Variants in NUMB observed in about 807,000 individuals in gnomAD.
NUMB encodes protein numb homolog.
NUMB carries 29 observed loss-of-function variants against 59.7 expected under a neutral mutation model. The ratio of observed to expected loss-of-function variants is 0.49; its 90% CI spans 0.36 to 0.66. The LOEUF is 0.66. NUMB is among the 30% of genes least tolerant of loss of function. NUMB has a pLI of 0.00. For missense variants in NUMB, 723 were observed against 822.0 expected (o/e 0.88, Z 1.47); for synonymous variants, 288 against 288.2 (o/e 1.00, Z 0.01).
intron 7 of NUMB, among the ~76,000 whole-genome samples, chr14:73,293,179 C>T (rs755456954): frequency 2.0e-5 from 3 of 151,994 alleles, no homozygotes; most frequent in Admixed American, 6.6e-5. Context: ...TATCTTTAAT[C>T]CTTTGGATAA....
At chr14:73,373,033 T>A (rs1894786207) in intron 2 of NUMB, among the ~76,000 whole-genome samples, 1 of 152,206 alleles carries the variant, frequency 6.6e-6, no homozygotes, top group East Asian at 1.9e-4. Flanking sequence ...CATTCTCAAC[T>A]GATGTCATAA....
intron 4 of NUMB, among the ~76,000 whole-genome samples, chr14:73,335,302 CAAAAAAAA>C (rs10556271): frequency 2.0e-5 from 2 of 100,238 alleles, no homozygotes; most frequent in African/African-American, 7.6e-5. Context: ...GCCAAAAAGA[CAAAAAAAA>C]AAAAAAAAAA....
chr14:73,302,655 G>A lies in NUMB; in HGVS notation c.235-5370C>T, dbSNP rs566260492. Among the ~76,000 whole-genome samples, 25 of 151,738 alleles carry A rather than the reference G, an allele frequency of 1.6e-4. No homozygotes were observed. The South Asian group carries it at 5.0e-3, about 30-fold the overall frequency. ...TCGAACTCCTGACCTCAGGTGATCC[G>A]CCCACTTTAGCCTCTCAAAGTGCTG... is the stretch of plus-strand genomic sequence containing the variant. On this transcript the variant is annotated intron_variant, in intron 6 of 12. Coordinates refer to ENST00000555238, the MANE Select transcript of NUMB (RefSeq NM_001005743.2).
chr14:73,451,354 T>C (rs1595055022), intron 1 of NUMB, among the ~76,000 whole-genome samples: 1 of 151,276 alleles, frequency 6.6e-6, no homozygotes. Flanking sequence ...GGAGAATTAC[T>C]TGAACCCACA....
chr14:73,351,054 T>C (rs1450027374), intron 4 of NUMB, among the ~76,000 whole-genome samples: 2 of 152,198 alleles, frequency 1.3e-5, no homozygotes, highest in Non-Finnish European at 2.9e-5. Context: ...AAATTACCAG[T>C]TGAATACAAT....
At chr14:73,325,859 CCCTG>C (rs1891633861) in intron 4 of NUMB, among the ~76,000 whole-genome samples, 1 of 152,144 alleles carries the variant, frequency 6.6e-6, no homozygotes, top group African/African-American at 2.4e-5. Context: ...CAAAAGAAAC[CCCTG>C]CAAGAGCCAC....
At position 73,374,762 on chromosome 14, in the gene NUMB, C is replaced by T. The variant is rs188315910; in HGVS notation, c.-100-7781G>A. On this transcript the variant is annotated intron_variant, in intron 2 of 12. Transcript: ENST00000555238. ...TTTTGAGACAGAGTCTCTCTCTTGT[C>T]GCCCAGGCTGGAGTCCAACATGATC... is the stretch of plus-strand genomic sequence containing the variant. Among the ~76,000 whole-genome samples the T allele has an allele frequency of 3.0e-4, 38 of 127,076 alleles. No individual in the cohort carries two copies. The East Asian group carries it at 7.6e-3, about 25-fold the overall frequency. 83.4% of individuals were successfully genotyped at this position (127,076 alleles called of 152,430 possible). A position where few individuals can be genotyped will look rare whatever the true frequency, so the allele number is the denominator to read the frequency against.
At chr14:73,307,169 T>G (rs1170366834) in intron 6 of NUMB, among the ~76,000 whole-genome samples, 1 of 151,768 alleles carries the variant, frequency 6.6e-6, no homozygotes. Flanking sequence ...ATTAGCTGGG[T>G]GTGGTGGCGG....
intron 6 of NUMB, among the ~76,000 whole-genome samples, chr14:73,301,088 T>G (rs1035458586): frequency 6.6e-6 from 1 of 152,234 alleles, no homozygotes; most frequent in Non-Finnish European, 1.5e-5. Flanking sequence ...TTCACTGCTG[T>G]ATCCCTGGAA....
At chr14:73,345,886 G>T (rs966985225) in intron 4 of NUMB, among the ~76,000 whole-genome samples, 3 of 151,104 alleles carry the variant, frequency 2.0e-5, no homozygotes, top group Admixed American at 1.3e-4. Context: ...CCGCCCTGGG[G>T]GACAAGAACG....
In NUMB at chr14:73,391,213, T is replaced by G. The variant is rs144994315; in HGVS notation, c.-101+18724A>C. Among the ~76,000 whole-genome samples the G allele has an allele frequency of 4.6e-5, 7 of 151,990 alleles. No individual in the cohort carries two copies. In the East Asian group the frequency reaches 1.4e-3, roughly 29 times the overall value. On this transcript the variant is annotated intron_variant, in intron 2 of 12. Transcript: ENST00000555238. ...GACTGTATAAGGAATTAAACCATCG[T>G]GCATAAACATATTTGGTCTCACTGG...
At chr14:73,403,745 C>T (rs1027604373) in intron 2 of NUMB, among the ~76,000 whole-genome samples, 3 of 151,810 alleles carry the variant, frequency 2.0e-5, no homozygotes, top group African/African-American at 7.2e-5. Flanking sequence ...CACTTGAGGC[C>T]AGGAGTTTGA....
intron 2 of NUMB, among the ~76,000 whole-genome samples, chr14:73,373,554 A>AT (rs1236383494): frequency 5.9e-5 from 9 of 152,194 alleles, no homozygotes; most frequent in Admixed American, 2.6e-4. Flanking sequence ...AACAATAAAC[A>AT]TAAGTAAATT....
At chr14:73,330,198 T>C (rs1163086533) in intron 4 of NUMB, among the ~76,000 whole-genome samples, 1 of 151,924 alleles carries the variant, frequency 6.6e-6, no homozygotes, top group East Asian at 1.9e-4. Flanking sequence ...CCCAGTTAAT[T>C]TTTGTATTTT....
chr14:73,282,623 AT>A (rs1329081877), intron 10 of NUMB, 118 bp from the exon 11 acceptor site: 5 of 1,071,234 alleles, frequency 4.7e-6, no homozygotes, highest in Non-Finnish European at 6.5e-6. Flanking sequence ...AAAAGGCTCA[AT>A]TAACTGTATG....
At chr14:73,436,721 C>T (rs1034533887) in intron 1 of NUMB, among the ~76,000 whole-genome samples, 14 of 151,976 alleles carry the variant, frequency 9.2e-5, no homozygotes, top group East Asian at 2.0e-4. Flanking sequence ...TGGCTCACAC[C>T]TGTAATCCCA....
At chr14:73,454,066 C>CG (rs141041735) in intron 1 of NUMB, among the ~76,000 whole-genome samples, 8,085 of 149,994 alleles carry the variant, frequency 0.054, 651 homozygotes, top group African/African-American at 0.18. Flanking sequence ...AAAAGTTGGG[C>CG]GGGGGGGGAA....
intron 4 of NUMB, among the ~76,000 whole-genome samples, chr14:73,327,972 C>A (rs1354960816): frequency 6.6e-6 from 1 of 152,132 alleles, no homozygotes; most frequent in Non-Finnish European, 1.5e-5. Context: ...ATAATTTTGC[C>A]TTTTAAAGAA....
intron 1 of NUMB, among the ~76,000 whole-genome samples, chr14:73,414,744 G>C (rs1897050255): frequency 6.6e-6 from 1 of 152,142 alleles, no homozygotes; most frequent in Non-Finnish European, 1.5e-5. Context: ...TTTTGAGACT[G>C]AGTCTCGCTC....
Sources: gnomAD v4.1 joint callset for allele counts (sites outside exome capture counted in the v4.1 genomes callset) on GRCh38, gnomAD v4.1.1 for gene constraint, MANE v1.5 for transcripts, NCBI Gene and HGNC (gene_info 2026-07-23, HGNC 2026-07-21) for gene names.